Variants in AGO4 observed in about 807,000 individuals in gnomAD.
AGO4 encodes the protein protein argonaute-4.
In AGO4, 33 loss-of-function variants were observed where a neutral mutation model predicts 104.7. The ratio of observed to expected loss-of-function variants is 0.32; its 90% CI spans 0.24 to 0.42. AGO4 has a LOEUF of 0.42. Among genes scored for constraint, AGO4 ranks in the 10% least tolerant of loss-of-function variants. The pLI is 1.00. For synonymous variants in AGO4, 331 were observed against 364.7 expected, an observed-to-expected ratio of 0.91 and a Z score of 1.05; for missense variants, 711 against 1,083.4, an observed-to-expected ratio of 0.66 and a Z score of 4.83.
intron 1 of AGO4, among the ~76,000 whole-genome samples, chr1:35,812,517 G>C (rs1017745181): frequency 2.6e-5 from 4 of 152,154 alleles, no homozygotes; most frequent in Non-Finnish European, 5.9e-5. Flanking sequence ...ACTCAAAGTC[G>C]TATGTCCTTA....
intron 4 of AGO4, 34 bp downstream of exon 4, chr1:35,825,528 T>C (rs1251830878): frequency 2.5e-6 from 4 of 1,594,258 alleles, no homozygotes; most frequent in African/African-American, 1.4e-5. Flanking sequence ...TTCCTACAAA[T>C]GTCAGACTTT....
rs183058330 is a variant in AGO4, at chr1:35,824,223, C to T, written c.307-1090C>T. On this transcript the variant is annotated intron_variant, in intron 3 of 17. Coordinates refer to ENST00000373210, the MANE Select transcript of AGO4 (RefSeq NM_017629.4). ...ACAATCTAGAAATGCTGTGATTTAC[C>T]GCCTCCACCACTTATCTGCACCCTC... 2.8e-3 allele frequency among the ~76,000 whole-genome samples: 419 copies of T among 151,810 alleles called. 2 individuals carry two copies. Among genetic ancestry groups the T allele is most frequent in the African/African-American group, 9.7e-3 (401 of 41,384 alleles).
chr1:35,816,511 G>A (rs1383660910), intron 1 of AGO4, among the ~76,000 whole-genome samples: 1 of 151,986 alleles, frequency 6.6e-6, no homozygotes, highest in Non-Finnish European at 1.5e-5. Flanking sequence ...AGAATAAATA[G>A]CACAGCAGGC....
rs894826999 is a variant in AGO4 at position 35,819,317 on chromosome 1, C to T, written c.185+2270C>T. Among the ~76,000 whole-genome samples, 30 of 151,820 alleles carry T rather than the reference C, an allele frequency of 2.0e-4. No homozygotes were observed. In the Middle Eastern group the frequency reaches 0.01, roughly 52 times the overall value. ...GACTATTAGACATGCTAGTGGAGAT[C>T]GGCTGTGGTAGCTCGTACCTGTAAT... On this transcript the variant is annotated intron_variant, in intron 2 of 17. Coordinates refer to ENST00000373210, the MANE Select transcript of AGO4 (RefSeq NM_017629.4).
chr1:35,820,465 C>T lies in AGO4; in HGVS notation c.186-2397C>T, dbSNP rs555263334. Among the ~76,000 whole-genome samples the T allele has an allele frequency of 1.4e-4, 21 of 152,112 alleles. No individual in the cohort carries two copies. The South Asian group carries it at 4.2e-3, about 30-fold the overall frequency. ...CTCCACTTCTGGGGTTCAACTGATT[C>T]CCTTGCCTCAGCCTCCCGAGTAGCT... On this transcript the variant is annotated intron_variant, in intron 2 of 17. Transcript: ENST00000373210.
At chr1:35,853,285 A>AACTGATATT (rs1445340880) in intron 17 of AGO4, among the ~76,000 whole-genome samples, 17 of 151,874 alleles carry the variant, frequency 1.1e-4, no homozygotes, top group African/African-American at 3.4e-4. Flanking sequence ...CAGTTGAGTC[A>AACTGATATT]ACTGATATTT....
At chr1:35,810,424 A>C (rs1353775522) in intron 1 of AGO4, among the ~76,000 whole-genome samples, 18 of 152,178 alleles carry the variant, frequency 1.2e-4, no homozygotes, top group Admixed American at 1.2e-3. Context: ...GAAGCCTTCT[A>C]GTCTTGTTCT....
chr1:35,827,262 G>A (rs1378028962), intron 7 of AGO4, among the ~76,000 whole-genome samples: 1 of 152,074 alleles, frequency 6.6e-6, no homozygotes, highest in Non-Finnish European at 1.5e-5. Flanking sequence ...GCTCACACCT[G>A]TTATCTCAGC....
intron 8 of AGO4, 64 bp from the exon 9 acceptor site, chr1:35,831,748 G>A (rs1051592992): frequency 1.4e-5 from 23 of 1,592,536 alleles, no homozygotes. Context: ...ATAAGATATG[G>A]TTTGGCAAAG....
Position 35,816,907 on chromosome 1 carries a change from A to G in AGO4, c.45A>G (p.Pro15=). ...GACCTCCGGCTAGCCTGTTTCAGCC[A>G]CCTCGTCGTCCTGGCCTTGGAACTG... The part of the protein sequence containing the change: ...GPGPPASLFQ[P]PRRPGLGTVG... Residue 15 remains proline (P), a synonymous_variant, in exon 2 of 18, where the codon CCA becomes CCG. Coordinates refer to ENST00000373210, the MANE Select transcript of AGO4 (RefSeq NM_017629.4). The G allele has an allele frequency of 6.2e-7, 1 of 1,612,980 alleles. No homozygotes were observed. The highest frequency in any genetic ancestry group is 2.2e-5 in the East Asian group (1 of 44,876).
At chr1:35,811,408 G>A (rs1643499623) in intron 1 of AGO4, among the ~76,000 whole-genome samples, 1 of 150,210 alleles carries the variant, frequency 6.7e-6, no homozygotes, top group South Asian at 2.1e-4. Flanking sequence ...GTTGCAGTGA[G>A]CCGAGATTGC....
intron 1 of AGO4, among the ~76,000 whole-genome samples, chr1:35,811,896 C>G (rs1037674556): frequency 1.2e-4 from 19 of 152,080 alleles, no homozygotes; most frequent in African/African-American, 3.9e-4. Context: ...CTGCACCCAG[C>G]CTTTATGTTA....
At position 35,850,913 on chromosome 1, in the gene AGO4, T is replaced by C; in HGVS notation, c.2337T>C (p.Asp779=). ...VLWDDNCFTA[D]ELQLLTYQLC... Reference sequence around the variant, plus strand: ...GGGATGACAACTGCTTCACTGCAGATGAACTCCAGCTACTGACTTACCAGC... The same window carrying C: ...GGGATGACAACTGCTTCACTGCAGACGAACTCCAGCTACTGACTTACCAGC... Residue 779 remains aspartate (D), a synonymous_variant, in exon 17 of 18, where the codon GAT becomes GAC. Transcript: ENST00000373210. The C allele has an allele frequency of 6.2e-7, 1 of 1,613,514 alleles. No homozygotes were observed. Among genetic ancestry groups the C allele is most frequent in the Non-Finnish European group, 8.5e-7 (1 of 1,179,960 alleles).
intron 15 of AGO4, among the ~76,000 whole-genome samples, chr1:35,846,138 A>C (rs1219814743): frequency 3.3e-5 from 5 of 152,122 alleles, no homozygotes; most frequent in Non-Finnish European, 4.4e-5. Context: ...GCATGTCTAA[A>C]CCTTCTATTT....
chr1:35,808,111 A>C lies in AGO4; in HGVS notation c.-306A>C, dbSNP rs1216169433. On this transcript the variant is annotated 5_prime_UTR_variant, in exon 1 of 18. Coordinates refer to ENST00000373210, the MANE Select transcript of AGO4 (RefSeq NM_017629.4). This position sits in a 1 kb window ranked among gnomAD's most constrained non-coding sequence, Gnocchi z 5.2. ...GCCCGCCGGGACCCTGGGTCCGCGC[A>C]CCCCGCGCCCCCTTCCCTCCCGGCG... 4 of 148,700 alleles carry C rather than the reference A, an allele frequency of 2.7e-5. No homozygotes were observed. The highest frequency in any genetic ancestry group is 5.0e-5 in the African/African-American group (2 of 40,372). 9.2% of individuals were successfully genotyped at this position (148,700 alleles called of 1,614,324 possible).
Position 35,857,554 on chromosome 1 carries a change from C to G in AGO4, c.*3949C>G, listed in dbSNP as rs927840176. On this transcript the variant is annotated 3_prime_UTR_variant, in exon 18 of 18. Transcript: ENST00000373210. The stretch of plus-strand genomic sequence containing the variant: ...AAACTATTAAGGGAGGGGTTGTATC[C>G]TCATGTTGAGATAAGATGATGGTCG... 1.3e-5 allele frequency: 2 copies of G among 152,092 alleles called. No individual in the cohort carries two copies. The highest frequency in any genetic ancestry group is 4.8e-5 in the African/African-American group (2 of 41,420). The allele number at this position is 152,092 out of a possible 1,614,324, so 9.4% of individuals were successfully genotyped here.
In AGO4 at chr1:35,841,811, C is replaced by CATATATATATATATATATACATATAT. The variant is rs1336128652; in HGVS notation, c.2175+80_2175+81insCATATATATATATATATATATATATA. On this transcript the variant is annotated intron_variant, in intron 15 of 17. Transcript: ENST00000373210. The surrounding 1 kb of genome is among the most constrained non-coding windows in gnomAD (Gnocchi z 4.7). ...CTCTGGCAAGAGATGTATATATGCA[C>CATATATATATATATATATACATATAT]ATATATATATATATATATATATATA... 2.1e-4 allele frequency: 126 copies of CATATATATATATATATATACATATAT among 606,466 alleles called. No individual in the cohort carries two copies. The highest frequency in any genetic ancestry group is 5.8e-5 in the Non-Finnish European group (24 of 415,522). 37.6% of individuals were successfully genotyped at this position (606,466 alleles called of 1,614,324 possible). A position where few individuals can be genotyped will look rare whatever the true frequency, so the allele number is the denominator to read the frequency against.
Position 35,841,301 on chromosome 1 carries a change from G to A in AGO4, c.1861G>A (p.Val621Ile). ...CCACCCCAGCCGGTACTGTGCCACC[G>A]TTCGGGTGCAGACTTCCCGGCAGGA... The part of the protein sequence containing the change: ...DGHPSRYCAT[V>I]RVQTSRQEIS... Residue 621 changes from valine to isoleucine, a missense_variant, in exon 14 of 18, where the codon GTT becomes ATT. Physicochemically the swap from Val to Ile is conservative, Grantham distance 29 (BLOSUM62 3). Around this residue, in one of 3 missense-constraint regions of AGO4, gnomAD observed 401 missense variants for 665.5 expected, o/e 0.60. Coordinates refer to ENST00000373210, the MANE Select transcript of AGO4 (RefSeq NM_017629.4). The surrounding 1 kb of genome is among the most constrained non-coding windows in gnomAD (Gnocchi z 4.7). The A allele has an allele frequency of 4.3e-6, 7 of 1,614,190 alleles. No homozygotes were observed. Among genetic ancestry groups the A allele is most frequent in the Non-Finnish European group, 4.2e-6 (5 of 1,180,040 alleles).
At chr1:35,811,105 A>G (rs1302923452) in intron 1 of AGO4, among the ~76,000 whole-genome samples, 1 of 151,922 alleles carries the variant, frequency 6.6e-6, no homozygotes, top group Admixed American at 6.6e-5. Context: ...GCGAGCTGAG[A>G]TCGCACCTCA....
Sources: gnomAD v4.1 joint callset for allele counts (sites outside exome capture counted in the v4.1 genomes callset) on GRCh38, gnomAD v4.1.1 for gene constraint, gnomAD v4.1.1 regional missense constraint, Gnocchi (gnomAD v3.1) non-coding constraint, MANE v1.5 for transcripts, NCBI Gene and HGNC (gene_info 2026-07-23, HGNC 2026-07-21) for gene names.